PCDHA8: variants seen among roughly 807,000 people sequenced by gnomAD.
PCDHA8 encodes the protein protocadherin alpha 8, also known as protocadherin alpha-8.
PCDHA8 carries 53 observed loss-of-function variants against 61.8 expected under a neutral mutation model. That is an observed-to-expected ratio of 0.86 (90% CI 0.69 to 1.08). PCDHA8 has a LOEUF of 1.08. Among genes scored for constraint, PCDHA8 ranks in the 50% least tolerant of loss-of-function variants. The pLI is 0.00. For missense variants in PCDHA8, 1,293 were observed against 1,245.0 expected (o/e 1.04, Z -0.58); for synonymous variants, 618 against 556.6 (o/e 1.11, Z -1.55).
At chr5:140,850,016 C>T (rs2150463409) in intron 1 of PCDHA8, 1 of 1,596,912 alleles carries the variant, frequency 6.3e-7, no homozygotes, top group Non-Finnish European at 8.6e-7. Context: ...TGTCGAGCTA[C>T]GTGTCAGTGC....
chr5:140,863,670 C>A (rs2048115377), intron 1 of PCDHA8: 1 of 292,680 alleles, frequency 3.4e-6, no homozygotes, highest in Admixed American at 4.6e-5. Context: ...ATTTATTTTG[C>A]TTTTGCTTTT....
chr5:140,920,588 G>A lies in PCDHA8; in HGVS notation c.2395-58361G>A, dbSNP rs561082502. 2.0e-5 allele frequency among the ~76,000 whole-genome samples: 3 copies of A among 152,284 alleles called. No individual in the cohort carries two copies. The South Asian group carries it at 6.2e-4, about 32-fold the overall frequency. On this transcript the variant is annotated intron_variant, in intron 1 of 3. Transcript: ENST00000531613. ...AGGCCAGGAGCAGTGGCTCACGCCT[G>A]TAATCCCAGCACTTTGGGAGGCCGA...
chr5:140,854,329 T>C lies in PCDHA8; in HGVS notation c.2394+10614T>C, dbSNP rs1380061038. The C allele has an allele frequency of 1.9e-5, 4 of 216,048 alleles. 1 individual carries two copies. The highest frequency in any genetic ancestry group is 3.1e-5 in the Non-Finnish European group (4 of 127,638). 13.4% of individuals were successfully genotyped at this position (216,048 alleles called of 1,614,324 possible). ...AGATGATTGATCAATGGCAAACTTA[T>C]TTTACGCTCCAGATAGCTAAAACAA... On this transcript the variant is annotated intron_variant, in intron 1 of 3. Coordinates refer to ENST00000531613, the MANE Select transcript of PCDHA8 (RefSeq NM_018911.3).
intron 1 of PCDHA8, chr5:140,868,939 G>T (rs2050745278): frequency 1.6e-6 from 2 of 1,242,994 alleles, no homozygotes; most frequent in African/African-American, 1.5e-5. Context: ...AGGTTGGTCT[G>T]AACAGTGAGG....
chr5:140,996,311 G>C lies in PCDHA8; in HGVS notation c.2543-13316G>C, dbSNP rs191577867. On this transcript the variant is annotated intron_variant, in intron 3 of 3. Coordinates refer to ENST00000531613, the MANE Select transcript of PCDHA8 (RefSeq NM_018911.3). ...GAAGCACAGATTGTAACAAAGTAAG[G>C]GGGGAGGGTAGAGAAGAAAAGTTTG... is the stretch of plus-strand genomic sequence containing the variant. 9.0e-4 allele frequency among the ~76,000 whole-genome samples: 137 copies of C among 152,302 alleles called. 1 individual carries two copies. The highest frequency in any genetic ancestry group is 2.8e-3 in the African/African-American group (118 of 41,574).
intron 1 of PCDHA8, chr5:140,968,002 G>A: frequency 6.2e-7 from 1 of 1,614,208 alleles, no homozygotes; most frequent in South Asian, 1.1e-5. Flanking sequence ...CTTTCCGACT[G>A]AATGGCTTTG....
At chr5:140,845,597 G>C (rs1779944998) in intron 1 of PCDHA8, among the ~76,000 whole-genome samples, 1 of 149,484 alleles carries the variant, frequency 6.7e-6, no homozygotes, top group African/African-American at 2.4e-5. Flanking sequence ...TCAGAAGTTA[G>C]TTATTAAGTA....
At chr5:140,849,348 G>A (rs1426659578) in intron 1 of PCDHA8, 2 of 1,434,152 alleles carry the variant, frequency 1.4e-6, no homozygotes, top group Non-Finnish European at 9.5e-7. Flanking sequence ...CTCCAGTGAT[G>A]TTTCTCCAGA....
At chr5:140,888,796 T>C (rs1158691492) in intron 1 of PCDHA8, among the ~76,000 whole-genome samples, 1 of 152,008 alleles carries the variant, frequency 6.6e-6, no homozygotes, top group East Asian at 1.9e-4. Context: ...TCTGGGGAGG[T>C]TGATCAGTGA....
intron 1 of PCDHA8, among the ~76,000 whole-genome samples, chr5:140,946,098 A>G (rs1249581075): frequency 6.6e-6 from 1 of 152,114 alleles, no homozygotes; most frequent in Non-Finnish European, 1.5e-5. Flanking sequence ...AGGAGTTAAC[A>G]TACCAAATAT....
intron 1 of PCDHA8, among the ~76,000 whole-genome samples, chr5:140,918,659 G>A (rs1584109247): frequency 6.6e-6 from 1 of 152,172 alleles, no homozygotes; most frequent in Non-Finnish European, 1.5e-5. Context: ...TTCTCATGTT[G>A]ATGGTATGAA....
At chr5:140,956,142 T>C (rs1416783643) in intron 1 of PCDHA8, among the ~76,000 whole-genome samples, 1 of 152,194 alleles carries the variant, frequency 6.6e-6, no homozygotes, top group East Asian at 1.9e-4. Flanking sequence ...CCTTTATTTC[T>C]TTCTCTTTCC....
At chr5:140,947,341 A>C (rs1159995588) in intron 1 of PCDHA8, among the ~76,000 whole-genome samples, 1 of 151,806 alleles carries the variant, frequency 6.6e-6, no homozygotes, top group East Asian at 1.9e-4. Context: ...TGTGGGCTTA[A>C]TTCTGGACTC....
chr5:140,869,344 A>C (rs540952410), intron 1 of PCDHA8: 1 of 1,613,872 alleles, frequency 6.2e-7, no homozygotes, highest in Non-Finnish European at 8.5e-7. Flanking sequence ...AAATCTGCAG[A>C]ATGGCATTTT....
chr5:140,928,297 G>A, intron 1 of PCDHA8: 1 of 1,614,112 alleles, frequency 6.2e-7, no homozygotes, highest in Non-Finnish European at 8.5e-7. Flanking sequence ...CCGAGTGTTT[G>A]CCCAGGACCC....
chr5:140,893,297 A>G (rs553139850), intron 1 of PCDHA8, among the ~76,000 whole-genome samples: 4 of 152,154 alleles, frequency 2.6e-5, no homozygotes, highest in South Asian at 2.1e-4. Context: ...TGGTAGTTCT[A>G]TTTGTAGTTT....
In PCDHA8 at chr5:140,842,704, G is replaced by A. The variant is rs151170990; in HGVS notation, c.1383G>A (p.Thr461=). 2,141 of 1,595,136 alleles carry A rather than the reference G, an allele frequency of 1.3e-3. 215 individuals are homozygous for A. The highest frequency in any genetic ancestry group is 5.2e-3 in the African/African-American group (389 of 74,336). The change falls in exon 1 of 4, where the codon ACG becomes ACA. Residue 461 remains threonine, a synonymous_variant. Transcript: ENST00000531613. ...NAPAFAQPEY[T]VFVKENNPPG... ...CGGCGTTCGCGCAGCCCGAGTACAC[G>A]GTGTTCGTGAAGGAGAACAACCCGC... is the stretch of plus-strand genomic sequence containing the variant.
chr5:140,977,364 A>G (rs967972541), intron 1 of PCDHA8, among the ~76,000 whole-genome samples: 2 of 152,206 alleles, frequency 1.3e-5, no homozygotes, highest in African/African-American at 4.8e-5. Flanking sequence ...GATAAAAAGT[A>G]TTTTAGTCAT....
rs782410675 is a variant in PCDHA8 at position 140,884,460 on chromosome 5, C to G, written c.2394+40745C>G. On this transcript the variant is annotated intron_variant, in intron 1 of 3. Coordinates refer to ENST00000531613, the MANE Select transcript of PCDHA8 (RefSeq NM_018911.3). ...TGCTCGGCACCGCCCACCGAGGGCGCGTGCGCGCCGGGCAAGCCCACTCTA... is the reference window on the plus strand; with the variant it reads ...TGCTCGGCACCGCCCACCGAGGGCGGGTGCGCGCCGGGCAAGCCCACTCTA... The G allele has an allele frequency of 2.5e-6, 4 of 1,613,614 alleles. No individual in the cohort carries two copies. Among genetic ancestry groups the G allele is most frequent in the Non-Finnish European group, 2.5e-6 (3 of 1,179,818 alleles).
Sources: allele counts gnomAD v4.1 joint callset (sites outside exome capture counted in the v4.1 genomes callset), GRCh38; gene constraint gnomAD v4.1.1; transcripts MANE v1.5; gene names NCBI Gene and HGNC (gene_info 2026-07-23, HGNC 2026-07-21).